The following SCFD2 variants were observed in gnomAD, a reference collection of about 807,000 sequenced individuals.
The protein encoded by SCFD2 is sec1 family domain-containing protein 2.
SCFD2 carries 54 observed loss-of-function variants against 58.9 expected under a neutral mutation model. That is an observed-to-expected ratio of 0.92 (90% CI 0.74 to 1.15). The LOEUF is 1.15. Ranked by LOEUF, SCFD2 falls within the 50% of genes most tolerant of loss-of-function variation. SCFD2 has a pLI of 0.00. For missense variants in SCFD2, 805 were observed against 836.6 expected, an observed-to-expected ratio of 0.96 and a Z score of 0.47; for synonymous variants, 321 against 335.9, an observed-to-expected ratio of 0.96 and a Z score of 0.49.
At position 53,322,516 on chromosome 4, in the gene SCFD2, T is replaced by C. The variant is rs73149285; in HGVS notation, c.1008-8753A>G. On this transcript the variant is annotated intron_variant, in intron 2 of 8. Transcript: ENST00000401642. ...AGAGAGTATTTGAGTTTCATCTCAG[T>C]ATAAACATTTTTTATTCCTACTCTC... is the stretch of plus-strand genomic sequence containing the variant. Among the ~76,000 whole-genome samples, 1,309 of 152,292 alleles carry C rather than the reference T, an allele frequency of 8.6e-3. 24 individuals carry two copies. Among genetic ancestry groups the C allele is most frequent in the African/African-American group, 0.03 (1,237 of 41,542 alleles).
intron 4 of SCFD2, among the ~76,000 whole-genome samples, chr4:53,209,934 G>A (rs1728556157): frequency 6.6e-6 from 1 of 152,054 alleles, no homozygotes; most frequent in Non-Finnish European, 1.5e-5. Context: ...CACATTGTAA[G>A]TTAAAAAAAA....
At chr4:53,314,669 T>A (rs1732803535) in intron 2 of SCFD2, among the ~76,000 whole-genome samples, 1 of 152,220 alleles carries the variant, frequency 6.6e-6, no homozygotes, top group African/African-American at 2.4e-5. Flanking sequence ...TTTAATTTAG[T>A]TTTAAAGTTA....
At chr4:53,310,212 T>TA (rs768718314) in intron 3 of SCFD2, among the ~76,000 whole-genome samples, 3 of 152,028 alleles carry the variant, frequency 2.0e-5, no homozygotes, top group Non-Finnish European at 4.4e-5. Flanking sequence ...AAGAAAATAA[T>TA]AAAGAAACAG....
At chr4:52,968,325 A>G (rs1052455397) in intron 5 of SCFD2, among the ~76,000 whole-genome samples, 2 of 152,264 alleles carry the variant, frequency 1.3e-5, no homozygotes, top group South Asian at 2.1e-4. Context: ...GCACAAAGTC[A>G]GAGGCTGCAT....
At chr4:52,950,514 C>G (rs1341981605) in intron 5 of SCFD2, 1 of 152,168 alleles carries the variant, frequency 6.6e-6, no homozygotes, top group Non-Finnish European at 1.5e-5. Flanking sequence ...ATGTTTTACC[C>G]TTTGAATGAA....
chr4:53,333,975 A>C (rs1419786880), intron 2 of SCFD2, among the ~76,000 whole-genome samples: 1 of 149,812 alleles, frequency 6.7e-6, no homozygotes, highest in Non-Finnish European at 1.5e-5. Flanking sequence ...GAAGACATTT[A>C]TGCAGCCAAA....
chr4:53,013,580 T>C (rs1722145708), intron 5 of SCFD2, among the ~76,000 whole-genome samples: 1 of 152,176 alleles, frequency 6.6e-6, no homozygotes, highest in African/African-American at 2.4e-5. Context: ...GTCTCTACAA[T>C]TTCTGTCAAA....
chr4:53,086,322 C>CATTGT (rs1265548109), intron 5 of SCFD2, among the ~76,000 whole-genome samples: 2 of 152,054 alleles, frequency 1.3e-5, no homozygotes, highest in East Asian at 3.9e-4. Flanking sequence ...CAAATCAAAA[C>CATTGT]TACAATGAGA....
intron 2 of SCFD2, among the ~76,000 whole-genome samples, chr4:53,351,718 C>G (rs916187405): frequency 1.3e-5 from 2 of 152,144 alleles, no homozygotes; most frequent in Non-Finnish European, 2.9e-5. Flanking sequence ...AAGTCTAGAA[C>G]TTCCCATTTT....
chr4:53,304,607 G>C (rs1732453752), intron 3 of SCFD2, among the ~76,000 whole-genome samples: 1 of 151,456 alleles, frequency 6.6e-6, no homozygotes, highest in Non-Finnish European at 1.5e-5. Context: ...TCTTCTGCTT[G>C]ATCGATTCAG....
chr4:53,231,356 C>CTT (rs1729433573), intron 4 of SCFD2, among the ~76,000 whole-genome samples: 18 of 152,062 alleles, frequency 1.2e-4, no homozygotes, highest in Admixed American at 9.8e-4. Flanking sequence ...GCTGTCAAAG[C>CTT]ATGGCGTCTG....
chr4:53,289,944 A>G, intron 3 of SCFD2, among the ~76,000 whole-genome samples: 1 of 152,250 alleles, frequency 6.6e-6, no homozygotes, highest in Non-Finnish European at 1.5e-5. Flanking sequence ...AATTATAAAT[A>G]TATACGCACC....
chr4:53,001,971 C>T (rs1187075887), intron 5 of SCFD2, among the ~76,000 whole-genome samples: 1 of 152,208 alleles, frequency 6.6e-6, no homozygotes. Flanking sequence ...ACAAAGCCAA[C>T]ATTTTTTCCA....
At chr4:52,876,740 A>C (rs1481098245) in intron 8 of SCFD2, among the ~76,000 whole-genome samples, 1 of 144,636 alleles carries the variant, frequency 6.9e-6, no homozygotes, top group Non-Finnish European at 1.5e-5. Context: ...ACAGAGCGAA[A>C]CTCTGTCTCT....
intron 5 of SCFD2, among the ~76,000 whole-genome samples, chr4:52,971,331 C>T (rs301106): frequency 0.87 from 133,197 of 152,226 alleles, 58,328 homozygotes; most frequent in East Asian, 0.97. Context: ...AAGGACCTGA[C>T]GGAGCTGAAA....
intron 5 of SCFD2, among the ~76,000 whole-genome samples, chr4:52,975,235 C>T (rs142331964): frequency 0.035 from 5,344 of 152,246 alleles, 121 homozygotes; most frequent in Admixed American, 0.059. Flanking sequence ...GAACAGGCAA[C>T]CTACAGAATG....
rs1259308878 is a variant in SCFD2, at chr4:53,255,791, G to T, written c.1311+18035C>A. On this transcript the variant is annotated intron_variant, in intron 4 of 8. Coordinates refer to ENST00000401642, the MANE Select transcript of SCFD2 (RefSeq NM_152540.4). ...TCCTCACTTCCCAGTAGGGGCGGCC[G>T]GGCAGAGGCGCCCCTCACCTCCCGG... is the stretch of plus-strand genomic sequence containing the variant. Among the ~76,000 whole-genome samples the T allele has an allele frequency of 1.2e-4, 18 of 151,310 alleles. No individual in the cohort carries two copies. In the East Asian group the frequency reaches 1.4e-3, roughly 12 times the overall value.
At chr4:53,215,229 T>G (rs1728778338) in intron 4 of SCFD2, among the ~76,000 whole-genome samples, 1 of 152,158 alleles carries the variant, frequency 6.6e-6, no homozygotes, top group Admixed American at 6.5e-5. Context: ...ATTGAATCTA[T>G]AAATTACCTT....
chr4:52,963,282 C>T (rs1321311773), intron 5 of SCFD2, among the ~76,000 whole-genome samples: 1 of 152,158 alleles, frequency 6.6e-6, no homozygotes, highest in East Asian at 1.9e-4. Context: ...AAAATAAAAT[C>T]TTTCTCTCTG....
Sources: allele counts gnomAD v4.1 joint callset (sites outside exome capture counted in the v4.1 genomes callset), GRCh38; gene constraint gnomAD v4.1.1; transcripts MANE v1.5; gene names NCBI Gene and HGNC (gene_info 2026-07-23, HGNC 2026-07-21).